Variants in CTTNBP2 observed in about 807,000 individuals in gnomAD.
CTTNBP2 encodes the protein cortactin binding protein 2, also known as cortactin-binding protein 2.
A neutral mutation model predicts 156.9 loss-of-function variants in CTTNBP2; 108 were observed. The ratio of observed to expected loss-of-function variants is 0.69; its 90% confidence interval spans 0.59 to 0.81. CTTNBP2 has a LOEUF of 0.81. Ranked by LOEUF, CTTNBP2 falls within the 30% of genes least tolerant of loss-of-function variation. The pLI is 0.00. For synonymous variants in CTTNBP2, 767 were observed against 751.8 expected (o/e 1.02, Z -0.33); for missense variants, 1,924 against 2,035.4 (o/e 0.95, Z 1.05).
chr7:117,718,968 G>A lies in CTTNBP2; in HGVS notation c.4644+536C>T, dbSNP rs369433274. 1.1e-4 allele frequency among the ~76,000 whole-genome samples: 16 copies of A among 152,034 alleles called. No individual in the cohort carries two copies. The East Asian group carries it at 2.3e-3, about 22-fold the overall frequency. Reference sequence around the variant, plus strand: ...TCCCAGCATTTTGGGAGGCTGAGGCGGGCAGGTCACCTGAGGTCAGGAGTT... The same window carrying A: ...TCCCAGCATTTTGGGAGGCTGAGGCAGGCAGGTCACCTGAGGTCAGGAGTT... On this transcript the variant is annotated intron_variant, in intron 21 of 22. Coordinates refer to ENST00000160373, the MANE Select transcript of CTTNBP2 (RefSeq NM_033427.3).
intron 19 of CTTNBP2, among the ~76,000 whole-genome samples, 153 bp from the exon 20 acceptor site, chr7:117,721,283 C>G (rs1395916466): frequency 6.6e-6 from 1 of 152,180 alleles, no homozygotes; most frequent in African/African-American, 2.4e-5. Flanking sequence ...AGGACAGAGG[C>G]TCTGGGCATA....
At chr7:117,783,132 A>G (rs897379713) in intron 5 of CTTNBP2, among the ~76,000 whole-genome samples, 171 bp from the exon 6 acceptor site, 2 of 152,204 alleles carry the variant, frequency 1.3e-5, no homozygotes, top group Non-Finnish European at 2.9e-5. Context: ...TTACAGGAAA[A>G]GCAGCCAATT....
intron 9 of CTTNBP2, among the ~76,000 whole-genome samples, chr7:117,766,611 A>G (rs1797498919): frequency 6.6e-6 from 1 of 152,154 alleles, no homozygotes; most frequent in Admixed American, 6.5e-5. Flanking sequence ...AGGAGCATAT[A>G]CTCGTGGAGC....
At chr7:117,860,503 C>T (rs1004934191) in intron 2 of CTTNBP2, among the ~76,000 whole-genome samples, 2 of 151,970 alleles carry the variant, frequency 1.3e-5, no homozygotes, top group Non-Finnish European at 2.9e-5. Flanking sequence ...CCACCATGCC[C>T]GGCTAATTTT....
chr7:117,852,504 C>A (rs1802994320), intron 2 of CTTNBP2, among the ~76,000 whole-genome samples: 1 of 152,074 alleles, frequency 6.6e-6, no homozygotes, highest in Non-Finnish European at 1.5e-5. Flanking sequence ...CTCAAGTGCA[C>A]CAGCATGTTC....
chr7:117,740,145 A>G (rs4730801), intron 14 of CTTNBP2, among the ~76,000 whole-genome samples: 33,460 of 151,918 alleles, frequency 0.22, 3,984 homozygotes, highest in African/African-American at 0.27. Flanking sequence ...ATATGAGAAG[A>G]AAATGTTATT....
At chr7:117,798,966 T>C (rs1799467906) in intron 3 of CTTNBP2, among the ~76,000 whole-genome samples, 1 of 151,938 alleles carries the variant, frequency 6.6e-6, no homozygotes, top group Non-Finnish European at 1.5e-5. Context: ...AGCTACACTT[T>C]CAGAAATTAC....
intron 2 of CTTNBP2, among the ~76,000 whole-genome samples, chr7:117,838,760 T>C (rs937904609): frequency 1.3e-5 from 2 of 152,090 alleles, no homozygotes; most frequent in Non-Finnish European, 2.9e-5. Flanking sequence ...TAGTGGCATA[T>C]AAAATACTGA....
chr7:117,873,130 C>T (rs895846003), intron 1 of CTTNBP2, among the ~76,000 whole-genome samples: 4 of 152,304 alleles, frequency 2.6e-5, no homozygotes, highest in South Asian at 4.1e-4. Flanking sequence ...AGGAGGGATC[C>T]CCAGCCAGGG....
intron 12 of CTTNBP2, among the ~76,000 whole-genome samples, chr7:117,750,679 C>T (rs1796575594): frequency 2.6e-5 from 4 of 152,012 alleles, no homozygotes; most frequent in Non-Finnish European, 4.4e-5. Context: ...CTATCAGAAC[C>T]GGGTCGAACA....
At chr7:117,768,281 G>A (rs1211319684) in intron 8 of CTTNBP2, among the ~76,000 whole-genome samples, 1 of 151,844 alleles carries the variant, frequency 6.6e-6, no homozygotes, top group African/African-American at 2.4e-5. Flanking sequence ...ACCATATCTG[G>A]CTGGGTGTGG....
intron 2 of CTTNBP2, among the ~76,000 whole-genome samples, chr7:117,819,289 C>T (rs1357256842): frequency 4.6e-5 from 7 of 152,092 alleles, no homozygotes; most frequent in South Asian, 2.1e-4. Context: ...AACTCATTCT[C>T]GCTCTAAGAG....
chr7:117,746,112 C>T lies in CTTNBP2; in HGVS notation c.3349-13G>A. On this transcript the variant is annotated splice_polypyrimidine_tract_variant and intron_variant, in intron 12 of 22. Transcript: ENST00000160373. ...GATATTGCTCAACCTATTAACAAAC[C>T]AAGTAGAGAGCTAGGGTGAAGATGC... 2 of 1,595,406 alleles carry T rather than the reference C, an allele frequency of 1.3e-6. No homozygotes were observed. The highest frequency in any genetic ancestry group is 1.7e-6 in the Non-Finnish European group (2 of 1,163,214).
chr7:117,722,372 T>C (rs1189829468), intron 19 of CTTNBP2, among the ~76,000 whole-genome samples: 1 of 152,126 alleles, frequency 6.6e-6, no homozygotes, highest in Admixed American at 6.5e-5. Context: ...TCAGTCATGG[T>C]TTCTAACCCA....
chr7:117,783,379 T>C (rs1798536778), intron 5 of CTTNBP2, among the ~76,000 whole-genome samples: 1 of 152,170 alleles, frequency 6.6e-6, no homozygotes, highest in Non-Finnish European at 1.5e-5. Context: ...TTAAATAAAT[T>C]ATTACTTTAT....
At chr7:117,766,515 A>G (rs1797492416) in intron 9 of CTTNBP2, among the ~76,000 whole-genome samples, 1 of 152,206 alleles carries the variant, frequency 6.6e-6, no homozygotes, top group South Asian at 2.1e-4. Flanking sequence ...GGATTGGGTG[A>G]TAATCTTAAT....
At chr7:117,740,867 T>C (rs1193319451) in intron 14 of CTTNBP2, among the ~76,000 whole-genome samples, 1 of 152,218 alleles carries the variant, frequency 6.6e-6, no homozygotes, top group Non-Finnish European at 1.5e-5. Flanking sequence ...TTGATTCTAA[T>C]TCTCCTCTAT....
At chr7:117,737,195 T>C (rs1050031534) in intron 14 of CTTNBP2, among the ~76,000 whole-genome samples, 1 of 152,226 alleles carries the variant, frequency 6.6e-6, no homozygotes, top group Non-Finnish European at 1.5e-5. Context: ...TAAAATTCTA[T>C]GTTTCTTTGG....
intron 14 of CTTNBP2, among the ~76,000 whole-genome samples, chr7:117,738,757 G>C (rs1051809692): frequency 6.6e-6 from 1 of 152,138 alleles, no homozygotes; most frequent in Non-Finnish European, 1.5e-5. Context: ...TGCAGCAGGT[G>C]GTGGGGCATG....
Sources: allele counts gnomAD v4.1 joint callset (sites outside exome capture counted in the v4.1 genomes callset), GRCh38; gene constraint gnomAD v4.1.1; transcripts MANE v1.5; gene names NCBI Gene and HGNC (gene_info 2026-07-23, HGNC 2026-07-21).